Variants in NEK7 observed in about 807,000 individuals in gnomAD.
NEK7 encodes NIMA related kinase 7.
A neutral mutation model predicts 44.6 loss-of-function variants in NEK7; 18 were observed. The observed-to-expected ratio is 0.40, with a 90% CI of 0.28 to 0.60. The LOEUF (loss-of-function observed/expected upper bound fraction) is 0.60. Among genes scored for constraint, NEK7 ranks in the 20% least tolerant of loss-of-function variants. The pLI is 0.38. For missense variants in NEK7, 256 were observed against 366.5 expected, an observed-to-expected ratio of 0.70 and a Z score of 2.46; for synonymous variants, 130 against 121.1, an observed-to-expected ratio of 1.07 and a Z score of -0.48.
At chr1:198,159,982 TCTGA>T (rs1186420975) in intron 1 of NEK7, among the ~76,000 whole-genome samples, 2 of 152,182 alleles carry the variant, frequency 1.3e-5, no homozygotes, top group Non-Finnish European at 2.9e-5. Context: ...AGTTTTGGGC[TCTGA>T]CTTACTGTAA....
At chr1:198,160,615 T>C (rs1307781223) in intron 1 of NEK7, among the ~76,000 whole-genome samples, 1 of 152,256 alleles carries the variant, frequency 6.6e-6, no homozygotes, top group African/African-American at 2.4e-5. Context: ...TCAGGATTTA[T>C]GTAAATATAT....
rs1571495936 is a variant in NEK7 at position 198,167,343 on chromosome 1, A to G, written c.-29+10067A>G. Among the ~76,000 whole-genome samples, 4 of 152,298 alleles carry G rather than the reference A, an allele frequency of 2.6e-5. No individual in the cohort carries two copies. In the East Asian group the frequency reaches 7.7e-4, roughly 29 times the overall value. ...GATTCTTTACTTAGAAAAGATTTTC[A>G]AATTTCTGATGTTTTTGGTCTTAAC... On this transcript the variant is annotated intron_variant, in intron 1 of 9. Transcript: ENST00000367385.
chr1:198,220,763 C>T (rs1571544278), intron 1 of NEK7: 1 of 151,938 alleles, frequency 6.6e-6, no homozygotes, highest in East Asian at 1.9e-4. Context: ...TCCATGATAC[C>T]CTTTCATTTT....
chr1:198,313,977 C>T lies in NEK7; in HGVS notation c.799-5435C>T, dbSNP rs1445225245. Among the ~76,000 whole-genome samples, 5 of 151,082 alleles carry T rather than the reference C, an allele frequency of 3.3e-5. No individual in the cohort carries two copies. The East Asian group carries it at 9.8e-4, about 30-fold the overall frequency. ...TGTATTTCCTGAATCTGAATGTTGA[C>T]CTGCCTTGCTAGATTGGGGAAGTTC... On this transcript the variant is annotated intron_variant, in intron 9 of 9. Coordinates refer to ENST00000367385, the MANE Select transcript of NEK7 (RefSeq NM_133494.3).
intron 1 of NEK7, among the ~76,000 whole-genome samples, chr1:198,231,657 A>G (rs1020018508): frequency 5.3e-5 from 8 of 152,096 alleles, no homozygotes; most frequent in African/African-American, 1.7e-4. Flanking sequence ...ATGAATTTCT[A>G]TTCATTAGTT....
intron 1 of NEK7, among the ~76,000 whole-genome samples, chr1:198,222,761 C>T (rs544984666): frequency 2.0e-5 from 3 of 152,130 alleles, no homozygotes; most frequent in South Asian, 2.1e-4. Context: ...ATGACAGTCT[C>T]GCCCTCTGCT....
At chr1:198,286,583 CCTAACA>C (rs1355634843) in intron 7 of NEK7, among the ~76,000 whole-genome samples, 2 of 152,056 alleles carry the variant, frequency 1.3e-5, no homozygotes, top group African/African-American at 4.8e-5. Context: ...CAATTGCTGC[CCTAACA>C]CATTACCAAA....
intron 9 of NEK7, among the ~76,000 whole-genome samples, chr1:198,299,077 G>A (rs1362604765): frequency 6.6e-6 from 1 of 152,184 alleles, no homozygotes; most frequent in Non-Finnish European, 1.5e-5. Context: ...GTTTCGAAAA[G>A]AGCTGTAAAG....
chr1:198,283,141 G>A (rs1558093699), intron 7 of NEK7, among the ~76,000 whole-genome samples: 1 of 152,266 alleles, frequency 6.6e-6, no homozygotes, highest in South Asian at 2.1e-4. Flanking sequence ...ACTGAGTGAA[G>A]AAAAGACAGG....
intron 3 of NEK7, among the ~76,000 whole-genome samples, chr1:198,259,477 T>C (rs1168920497): frequency 6.6e-6 from 1 of 152,210 alleles, no homozygotes; most frequent in Non-Finnish European, 1.5e-5. Context: ...AGATCTGATA[T>C]ACTTACAATT....
chr1:198,223,954 A>G lies in NEK7; in HGVS notation c.-28-8599A>G, dbSNP rs181149421. Among the ~76,000 whole-genome samples the G allele has an allele frequency of 1.6e-3, 251 of 152,306 alleles. 1 individual carries two copies. The highest frequency in any genetic ancestry group is 5.6e-3 in the African/African-American group (234 of 41,566). On this transcript the variant is annotated intron_variant, in intron 1 of 9. Transcript: ENST00000367385. ...ATCTTTGCAAAGGGCAAGATAGACC[A>G]TTGGATTTTAAGAGTATGAAGGCTC...
At chr1:198,249,061 C>T (rs1666913407) in intron 2 of NEK7, among the ~76,000 whole-genome samples, 1 of 120,936 alleles carries the variant, frequency 8.3e-6, no homozygotes. Flanking sequence ...CCACAACAGT[C>T]CCCAGAGTGT....
intron 2 of NEK7, among the ~76,000 whole-genome samples, chr1:198,252,567 T>TAA (rs1553253623): frequency 2.0e-5 from 1 of 50,994 alleles, no homozygotes; most frequent in Non-Finnish European, 3.1e-5. Context: ...TATATATATA[T>TAA]AAAAAGTACA....
At chr1:198,161,218 T>C (rs566181847) in intron 1 of NEK7, among the ~76,000 whole-genome samples, 4 of 152,218 alleles carry the variant, frequency 2.6e-5, no homozygotes, top group African/African-American at 4.8e-5. Context: ...GTAAATCTTA[T>C]TAGTAGTCTT....
intron 2 of NEK7, among the ~76,000 whole-genome samples, chr1:198,246,243 G>T (rs978416463): frequency 7.2e-5 from 11 of 152,204 alleles, no homozygotes; most frequent in African/African-American, 2.7e-4. Context: ...GTGTGGCAAA[G>T]AGACCCAAGG....
chr1:198,216,776 A>C (rs558929754), intron 1 of NEK7, among the ~76,000 whole-genome samples: 38 of 152,194 alleles, frequency 2.5e-4, no homozygotes, highest in Non-Finnish European at 4.4e-4. Context: ...TATCACAGAA[A>C]TACAAAAGAT....
chr1:198,190,272 A>G (rs1235910376), intron 1 of NEK7, among the ~76,000 whole-genome samples: 2 of 152,080 alleles, frequency 1.3e-5, no homozygotes, highest in Non-Finnish European at 2.9e-5. Context: ...CAGTTGCAAC[A>G]AACAACAGAC....
At chr1:198,193,893 C>T (rs1460904350) in intron 1 of NEK7, among the ~76,000 whole-genome samples, 1 of 152,146 alleles carries the variant, frequency 6.6e-6, no homozygotes, top group African/African-American at 2.4e-5. Context: ...AAGCATTCCC[C>T]TGGAAAACTG....
chr1:198,248,986 C>T (rs1009226999), intron 2 of NEK7, among the ~76,000 whole-genome samples: 1 of 151,478 alleles, frequency 6.6e-6, no homozygotes, highest in African/African-American at 2.4e-5. Context: ...GTGTGCTGCA[C>T]CCATTAACAC....
Sources: allele counts gnomAD v4.1 joint callset (sites outside exome capture counted in the v4.1 genomes callset), GRCh38; gene constraint gnomAD v4.1.1; transcripts MANE v1.5; gene names NCBI Gene and HGNC (gene_info 2026-07-23, HGNC 2026-07-21).